Variants in TSPAN15 observed in about 807,000 individuals in gnomAD.
TSPAN15 encodes the protein tetraspanin-15.
A neutral mutation model predicts 34.5 loss-of-function variants in TSPAN15; 20 were observed. The ratio of observed to expected loss-of-function variants is 0.58; its 90% CI spans 0.41 to 0.84. The LOEUF is 0.84. Among genes scored for constraint, TSPAN15 ranks in the 40% least tolerant of loss-of-function variants. The pLI is 0.00. For synonymous variants in TSPAN15, 155 were observed against 153.9 expected (o/e 1.01, Z -0.05); for missense variants, 313 against 386.1 (o/e 0.81, Z 1.59).
At chr10:69,459,116 A>C (rs943065296) in intron 1 of TSPAN15, among the ~76,000 whole-genome samples, 2 of 144,674 alleles carry the variant, frequency 1.4e-5, no homozygotes, top group African/African-American at 5.1e-5. Flanking sequence ...AAAAAAAAAA[A>C]AAAAAAAAAC....
chr10:69,509,976 C>A (rs959263750), downstream of TSPAN15, among the ~76,000 whole-genome samples: 1 of 152,202 alleles, frequency 6.6e-6, no homozygotes. Context: ...GTTTTGGTTA[C>A]TGTGGCCTTA....
intron 1 of TSPAN15, among the ~76,000 whole-genome samples, chr10:69,458,124 A>G (rs1325926092): frequency 6.6e-6 from 1 of 152,184 alleles, no homozygotes. Flanking sequence ...TCCAGGCGCC[A>G]TGTATGTTTC....
intron 1 of TSPAN15, among the ~76,000 whole-genome samples, chr10:69,478,775 A>G (rs1236280353): frequency 6.6e-6 from 1 of 152,250 alleles, no homozygotes; most frequent in Non-Finnish European, 1.5e-5. Context: ...TGATGTAATA[A>G]TGTGCAACTT....
chr10:69,513,275 GTAT>G, the TSPAN15 span, among the ~76,000 whole-genome samples: 2 of 152,138 alleles, frequency 1.3e-5, no homozygotes, highest in African/African-American at 4.8e-5. Context: ...GATTGTTTTT[GTAT>G]TATTGAATTT....
At chr10:69,529,869 A>G in the TSPAN15 span, among the ~76,000 whole-genome samples, 1 of 145,058 alleles carries the variant, frequency 6.9e-6, no homozygotes, top group Non-Finnish European at 1.5e-5. Context: ...CAAGTCCCCA[A>G]AGTCCATTAT....
rs756274987 is a variant in TSPAN15, at chr10:69,506,274, T to C, written c.735+34T>C. 1 of 1,596,148 alleles carries C rather than the reference T, an allele frequency of 6.3e-7. No homozygotes were observed. The highest frequency in any genetic ancestry group is 1.1e-5 in the South Asian group (1 of 90,608). ...GCCGTGGGTTCAGAGAAAGTGTGAC[T>C]TGGTGATTGCAGAAGGGCAGAGAAG... On this transcript the variant is annotated intron_variant, in intron 7 of 7. Coordinates refer to ENST00000373290, the MANE Select transcript of TSPAN15 (RefSeq NM_012339.5). The surrounding 1 kb of genome is among the most constrained non-coding windows in gnomAD (Gnocchi z 4.7).
At chr10:69,468,408 G>A (rs1041022899) in intron 1 of TSPAN15, among the ~76,000 whole-genome samples, 1 of 152,144 alleles carries the variant, frequency 6.6e-6, no homozygotes, top group East Asian at 1.9e-4. Flanking sequence ...GTAGGCTGGG[G>A]TAGGGCCGAG....
At chr10:69,538,739 A>G in the TSPAN15 span, among the ~76,000 whole-genome samples, 2 of 152,154 alleles carry the variant, frequency 1.3e-5, no homozygotes, top group African/African-American at 4.8e-5. Flanking sequence ...CCTGAGAGTT[A>G]TTTTCCCACC....
At position 69,506,169 on chromosome 10, in the gene TSPAN15, G is replaced by A. The variant is rs562326532; in HGVS notation, c.664G>A (p.Ala222Thr). 5.6e-6 allele frequency: 9 copies of A among 1,614,082 alleles called. No individual in the cohort carries two copies. The highest frequency in any genetic ancestry group is 1.3e-5 in the African/African-American group (1 of 74,926). The stretch of plus-strand genomic sequence containing the variant: ...CATCTACGTGCGGGGCTGCACCAAC[G>A]CCGTGATCATCTGGTTCATGGACAA... ...DVIYVRGCTN[A>T]VIIWFMDNYT... is the part of the protein sequence containing the mutation. The change falls in exon 7 of 8, where the codon GCC becomes ACC. Residue 222 changes from alanine (A) to threonine (T), a missense_variant. Transcript: ENST00000373290. The surrounding 1 kb of genome is among the most constrained non-coding windows in gnomAD (Gnocchi z 4.7).
chr10:69,486,230 C>G (rs897351781), intron 3 of TSPAN15, among the ~76,000 whole-genome samples: 4 of 152,178 alleles, frequency 2.6e-5, no homozygotes, highest in Non-Finnish European at 4.4e-5. Context: ...CATCTTTCCT[C>G]CCATAATCTT....
intron 1 of TSPAN15, among the ~76,000 whole-genome samples, chr10:69,456,688 G>C (rs1841118004): frequency 6.6e-6 from 1 of 152,186 alleles, no homozygotes; most frequent in Non-Finnish European, 1.5e-5. Flanking sequence ...TGTTCAAAAG[G>C]TAGGTTGGCA....
At chr10:69,495,351 A>C in intron 3 of TSPAN15, 1 of 481,846 alleles carries the variant, frequency 2.1e-6, no homozygotes, top group East Asian at 3.7e-5. Context: ...AGTGGAGTGA[A>C]TTACTCCTGC....
At chr10:69,456,554 G>A (rs59262400) in intron 1 of TSPAN15, among the ~76,000 whole-genome samples, 17,574 of 152,006 alleles carry the variant, frequency 0.12, 1,014 homozygotes, top group African/African-American at 0.12. Flanking sequence ...AAACCAAGAC[G>A]CCCATCATAA....
chr10:69,492,467 GC>G (rs1197798625), intron 3 of TSPAN15, among the ~76,000 whole-genome samples: 2 of 152,164 alleles, frequency 1.3e-5, no homozygotes, highest in Non-Finnish European at 2.9e-5. Flanking sequence ...GAACCAGCAT[GC>G]CTCAAAGAGC....
chr10:69,459,602 CA>C (rs1841198606), intron 1 of TSPAN15, among the ~76,000 whole-genome samples: 1 of 152,132 alleles, frequency 6.6e-6, no homozygotes, highest in Non-Finnish European at 1.5e-5. Flanking sequence ...ATGGCTACAG[CA>C]GATGAGGAAG....
At chr10:69,545,997 AAAC>A in the TSPAN15 span, among the ~76,000 whole-genome samples, 45 of 147,240 alleles carry the variant, frequency 3.1e-4, no homozygotes, top group African/African-American at 1.1e-3. Flanking sequence ...ACAAACAAAC[AAAC>A]AAAAAAACCA....
At chr10:69,534,505 T>C in the TSPAN15 span, among the ~76,000 whole-genome samples, 1 of 152,206 alleles carries the variant, frequency 6.6e-6, no homozygotes, top group Non-Finnish European at 1.5e-5. Flanking sequence ...TAAAACATTT[T>C]CAATAATCAT....
At chr10:69,465,018 C>T (rs1177055216) in intron 1 of TSPAN15, among the ~76,000 whole-genome samples, 2 of 152,236 alleles carry the variant, frequency 1.3e-5, no homozygotes, top group Non-Finnish European at 2.9e-5. Flanking sequence ...AGCCTCTGAC[C>T]TGGGAGGGAC....
the TSPAN15 span, among the ~76,000 whole-genome samples, chr10:69,528,153 GCA>G: frequency 6.7e-6 from 1 of 148,430 alleles, no homozygotes; most frequent in East Asian, 2.5e-4. Context: ...TGGTCACTGT[GCA>G]CAGTTGGACA....
Sources: gnomAD v4.1 joint callset for allele counts (sites outside exome capture counted in the v4.1 genomes callset) on GRCh38, gnomAD v4.1.1 for gene constraint, Gnocchi (gnomAD v3.1) non-coding constraint, MANE v1.5 for transcripts, NCBI Gene and HGNC (gene_info 2026-07-23, HGNC 2026-07-21) for gene names.